Variants in KIAA1217 observed in about 807,000 individuals in gnomAD.
KIAA1217 encodes the protein sickle tail protein homolog.
KIAA1217 carries 88 observed loss-of-function variants against 163.9 expected under a neutral mutation model. That is an observed-to-expected ratio of 0.54 (90% CI 0.45 to 0.64). The LOEUF (loss-of-function observed/expected upper bound fraction) is 0.64, where lower values mean the gene tolerates loss of function less well. Among genes scored for constraint, KIAA1217 ranks in the 30% least tolerant of loss-of-function variants. The pLI is 0.00. For synonymous variants in KIAA1217, 903 were observed against 923.1 expected (o/e 0.98, Z 0.39); for missense variants, 2,372 against 2,475.0 (o/e 0.96, Z 0.88).
intron 5 of KIAA1217, chr10:24,449,592 C>G: frequency 1.0e-6 from 1 of 985,380 alleles, no homozygotes; most frequent in Non-Finnish European, 1.2e-6. Context: ...GGATACTGCT[C>G]CTTTAAACCA....
Position 24,546,641 on chromosome 10 carries a change from A to C in KIAA1217, c.*317A>C. On this transcript the variant is annotated 3_prime_UTR_variant, in exon 21 of 21. Transcript: ENST00000376454. Reference sequence around the variant, plus strand: ...GAGAATTGTCTTAAGCATATAAAACATGTATGATTCCAGAATTTTAGTATG... The same window carrying C: ...GAGAATTGTCTTAAGCATATAAAACCTGTATGATTCCAGAATTTTAGTATG... 4.4e-6 allele frequency: 1 copy of C among 229,544 alleles called. No homozygotes were observed. The highest frequency in any genetic ancestry group is 8.5e-6 in the Non-Finnish European group (1 of 117,782). The allele number at this position is 229,544 out of a possible 1,614,324, so 14.2% of individuals were successfully genotyped here.
Position 23,997,175 on chromosome 10 carries a change from C to T in KIAA1217, c.-320-10050C>T, listed in dbSNP as rs952684891. On this transcript the variant is annotated intron_variant, in intron 1 of 18. Coordinates refer to the KIAA1217 transcript ENST00000376462. The stretch of plus-strand genomic sequence containing the variant: ...AAGCAGCCACATTTCATGATTCCTA[C>T]CAACTTGCAGGAAGTTCTACTGTGA... Among the ~76,000 whole-genome samples, 19 of 152,250 alleles carry T rather than the reference C, an allele frequency of 1.2e-4. 1 individual carries two copies. In the East Asian group the frequency reaches 2.3e-3, roughly 19 times the overall value.
intron 2 of KIAA1217, among the ~76,000 whole-genome samples, chr10:24,062,544 G>T (rs1383911165): frequency 6.6e-6 from 1 of 151,068 alleles, no homozygotes; most frequent in African/African-American, 2.5e-5. Context: ...ATCATTGTTG[G>T]ACATTTGGGT....
intron 2 of KIAA1217, among the ~76,000 whole-genome samples, chr10:24,188,641 GGAAA>G (rs1564806602): frequency 6.6e-6 from 1 of 152,172 alleles, no homozygotes; most frequent in East Asian, 1.9e-4. Flanking sequence ...TCTTCTGTAG[GGAAA>G]GAAAGATGGA....
At chr10:23,858,817 CT>C (rs1461663968) in intron 1 of KIAA1217, among the ~76,000 whole-genome samples, 1 of 152,060 alleles carries the variant, frequency 6.6e-6, no homozygotes, top group Non-Finnish European at 1.5e-5. Context: ...TAGGTGTCAC[CT>C]GCCAAGACTT....
intron 10 of KIAA1217, 81 bp downstream of exon 10, chr10:24,513,515 T>C (rs746520229): frequency 4.3e-6 from 6 of 1,381,888 alleles, no homozygotes; most frequent in Non-Finnish European, 6.0e-6. Context: ...TCCTTCCCAG[T>C]TGGTGGTCTT....
intron 2 of KIAA1217, among the ~76,000 whole-genome samples, chr10:24,301,594 T>C (rs2041343447): frequency 6.6e-6 from 1 of 152,192 alleles, no homozygotes; most frequent in Non-Finnish European, 1.5e-5. Context: ...CTGCTGACAC[T>C]GTAGCTTCAT....
chr10:23,818,000 T>TATATATACACAC (rs1588881843), intron 1 of KIAA1217, among the ~76,000 whole-genome samples: 2 of 103,212 alleles, frequency 1.9e-5, no homozygotes, highest in Non-Finnish European at 1.9e-5. Flanking sequence ...TATATATATA[T>TATATATACACAC]ATATATATAC....
In KIAA1217 at chr10:24,176,427, T is replaced by C. The variant is rs192110464; in HGVS notation, c.-170-43199T>C. Among the ~76,000 whole-genome samples, 17 of 152,272 alleles carry C rather than the reference T, an allele frequency of 1.1e-4. No individual in the cohort carries two copies. In the East Asian group the frequency reaches 1.7e-3, roughly 16 times the overall value. The stretch of plus-strand genomic sequence containing the variant: ...TCTTTAGCTAGACACAGAGTGCTGA[T>C]TGGTGCATTTACAATCCTCTAGCTA... On this transcript the variant is annotated intron_variant, in intron 2 of 18. Transcript: ENST00000376462.
intron 1 of KIAA1217, among the ~76,000 whole-genome samples, chr10:23,792,761 CA>C (rs1473214846): frequency 6.6e-6 from 1 of 151,964 alleles, no homozygotes; most frequent in Non-Finnish European, 1.5e-5. Flanking sequence ...CTCGGCCTCC[CA>C]AAGTACTGGG....
chr10:24,380,357 G>T (rs1017457349), intron 2 of KIAA1217, among the ~76,000 whole-genome samples: 7 of 152,074 alleles, frequency 4.6e-5, no homozygotes, highest in Non-Finnish European at 1.0e-4. Flanking sequence ...CAGGTGCAGC[G>T]GGTCACGCCT....
At chr10:23,759,399 T>C (rs1321090761) in intron 1 of KIAA1217, among the ~76,000 whole-genome samples, 1 of 152,218 alleles carries the variant, frequency 6.6e-6, no homozygotes, top group Non-Finnish European at 1.5e-5. Flanking sequence ...ATACCTTTGA[T>C]TTCTTTTTCT....
intron 1 of KIAA1217, among the ~76,000 whole-genome samples, chr10:23,965,357 C>A (rs181850162): frequency 4.1e-4 from 62 of 152,290 alleles, no homozygotes; most frequent in Admixed American, 3.7e-3. Context: ...GTCTCACTGG[C>A]AAATGCCCTA....
At chr10:24,222,663 C>T (rs1234319112) in intron 2 of KIAA1217, among the ~76,000 whole-genome samples, 1 of 152,106 alleles carries the variant, frequency 6.6e-6, no homozygotes, top group Admixed American at 6.5e-5. Context: ...GTATGCACCA[C>T]CACACCCAGC....
Position 24,213,882 on chromosome 10 carries a change from TA to T in KIAA1217, c.70+4621del, listed in dbSNP as rs367642007. On this transcript the variant is annotated intron_variant, in intron 1 of 20. Transcript: ENST00000376454. ...CTGATTTGTATATATATTATGATAG[TA>T]ACAAGGGAGCTAACCCCATCACTTT... Among the ~76,000 whole-genome samples the T allele has an allele frequency of 2.1e-4, 32 of 152,224 alleles. 3 individuals are homozygous for T. Among genetic ancestry groups the T allele is most frequent in the South Asian group, 1.7e-3 (8 of 4,812 alleles).
chr10:23,798,206 G>T (rs1836299189), intron 1 of KIAA1217, among the ~76,000 whole-genome samples: 1 of 152,172 alleles, frequency 6.6e-6, no homozygotes, highest in Admixed American at 6.5e-5. Flanking sequence ...CATTCTATGG[G>T]TGAGATTGTC....
chr10:24,091,314 C>T (rs1239714640), intron 2 of KIAA1217, among the ~76,000 whole-genome samples: 1 of 151,938 alleles, frequency 6.6e-6, no homozygotes, highest in Non-Finnish European at 1.5e-5. Context: ...GCATCCTCAT[C>T]ATATTGGCTA....
intron 16 of KIAA1217, among the ~76,000 whole-genome samples, chr10:24,535,745 C>G (rs1324465599): frequency 2.0e-5 from 3 of 152,086 alleles, no homozygotes; most frequent in African/African-American, 7.2e-5. Flanking sequence ...CCACTGCACT[C>G]CAGCGTGGGC....
At chr10:23,888,524 C>A (rs1412301685) in intron 1 of KIAA1217, among the ~76,000 whole-genome samples, 1 of 151,798 alleles carries the variant, frequency 6.6e-6, no homozygotes, top group Admixed American at 6.6e-5. Flanking sequence ...ATCCTATCAA[C>A]CTTTTTCTTA....
Sources: allele counts gnomAD v4.1 joint callset (sites outside exome capture counted in the v4.1 genomes callset), GRCh38; gene constraint gnomAD v4.1.1; transcripts MANE v1.5; gene names NCBI Gene and HGNC (gene_info 2026-07-23, HGNC 2026-07-21).